Variants in RAD51B observed in about 807,000 individuals in gnomAD.
RAD51B encodes the protein DNA repair protein RAD51 homolog 2.
RAD51B carries 38 observed loss-of-function variants against 42.2 expected under a neutral mutation model. The ratio of observed to expected loss-of-function variants is 0.90; its 90% CI spans 0.70 to 1.18. The LOEUF (loss-of-function observed/expected upper bound fraction) is 1.18, where lower values mean the gene tolerates loss of function less well. Among genes scored for constraint, RAD51B ranks in the 50% most tolerant of loss-of-function variants. The pLI is 0.00. For synonymous variants in RAD51B, 154 were observed against 145.2 expected (o/e 1.06, Z -0.43); for missense variants, 373 against 400.7 (o/e 0.93, Z 0.59).
intron 10 of RAD51B, among the ~76,000 whole-genome samples, chr14:68,548,387 C>G (rs878966455): frequency 6.6e-6 from 1 of 152,168 alleles, no homozygotes; most frequent in East Asian, 1.9e-4. Context: ...TGCTATTCAT[C>G]TTGTTTAGTG....
chr14:67,997,873 A>G (rs1363953566), intron 7 of RAD51B, among the ~76,000 whole-genome samples: 4 of 152,184 alleles, frequency 2.6e-5, no homozygotes, highest in African/African-American at 9.6e-5. Context: ...CAAATCTGCT[A>G]TTAATCCCAT....
At position 68,345,552 on chromosome 14, in the gene RAD51B, A is replaced by G. The variant is rs184835433; in HGVS notation, c.853+53572A>G. On this transcript the variant is annotated intron_variant, in intron 8 of 10. Transcript: ENST00000471583. Reference sequence around the variant, plus strand: ...CTTCCCTTCACCTGCCACCATGACTATAAGCTTCCTGAGGCCTTACCAGAA... The same window carrying G: ...CTTCCCTTCACCTGCCACCATGACTGTAAGCTTCCTGAGGCCTTACCAGAA... Among the ~76,000 whole-genome samples, 3 of 152,086 alleles carry G rather than the reference A, an allele frequency of 2.0e-5. No individual in the cohort carries two copies. In the South Asian group the frequency reaches 6.2e-4, roughly 32 times the overall value.
chr14:68,471,401 T>G (rs781193023), intron 10 of RAD51B, among the ~76,000 whole-genome samples: 9 of 151,896 alleles, frequency 5.9e-5, no homozygotes, highest in Non-Finnish European at 1.0e-4. Flanking sequence ...AACTCCTGAG[T>G]GCTCAAGCAG....
intron 10 of RAD51B, among the ~76,000 whole-genome samples, chr14:68,527,504 C>T (rs181535241): frequency 1.7e-3 from 260 of 152,346 alleles, no homozygotes; most frequent in Non-Finnish European, 3.2e-3. Context: ...TCAGGGGCAC[C>T]CCTGGGTCTC....
intron 9 of RAD51B, among the ~76,000 whole-genome samples, chr14:68,412,852 G>C (rs751286658): frequency 6.6e-6 from 1 of 152,210 alleles, no homozygotes; most frequent in Non-Finnish European, 1.5e-5. Flanking sequence ...TTAAATAGCT[G>C]TGTTGCAGCT....
At chr14:68,254,944 G>A (rs1484589515) in intron 7 of RAD51B, among the ~76,000 whole-genome samples, 2 of 152,130 alleles carry the variant, frequency 1.3e-5, no homozygotes, top group African/African-American at 2.4e-5. Context: ...CTAGTGCTTT[G>A]ATTCTTTCAC....
chr14:68,228,413 T>C (rs867597989), intron 7 of RAD51B, among the ~76,000 whole-genome samples: 6 of 152,362 alleles, frequency 3.9e-5, no homozygotes, highest in African/African-American at 1.2e-4. Context: ...ATAATTCATG[T>C]ACTGCTTAAT....
intron 7 of RAD51B, among the ~76,000 whole-genome samples, chr14:68,111,537 C>T (rs906865530): frequency 3.9e-5 from 6 of 152,084 alleles, no homozygotes; most frequent in Non-Finnish European, 7.4e-5. Context: ...TCAAGGCTTT[C>T]TTTCACATAT....
intron 8 of RAD51B, among the ~76,000 whole-genome samples, chr14:68,386,585 C>T (rs2083599240): frequency 6.6e-6 from 1 of 152,154 alleles, no homozygotes; most frequent in Non-Finnish European, 1.5e-5. Context: ...AGAGTTTGTT[C>T]TCTGGTTCTT....
intron 10 of RAD51B, among the ~76,000 whole-genome samples, chr14:68,523,414 G>A (rs1886716063): frequency 6.6e-6 from 1 of 152,208 alleles, no homozygotes; most frequent in South Asian, 2.1e-4. Flanking sequence ...TGTCTGGGGT[G>A]GCCTTTTGGA....
chr14:68,601,922 C>A (rs1356638211), intron 10 of RAD51B, among the ~76,000 whole-genome samples: 3 of 152,164 alleles, frequency 2.0e-5, no homozygotes, highest in Non-Finnish European at 4.4e-5. Context: ...CAATTCCCAT[C>A]ATTACTGCCC....
chr14:68,626,935 A>C (rs557383728), intron 10 of RAD51B, among the ~76,000 whole-genome samples: 1 of 152,318 alleles, frequency 6.6e-6, no homozygotes, highest in African/African-American at 2.4e-5. Context: ...CCGAGACAGA[A>C]AATGAACTCT....
chr14:68,497,135 TC>T, intron 10 of RAD51B: 1 of 1,396,632 alleles, frequency 7.2e-7, no homozygotes, highest in Non-Finnish European at 9.6e-7. Flanking sequence ...CTATGGAAAT[TC>T]CTAGAGACAG....
chr14:68,191,540 G>A (rs2079267303), intron 7 of RAD51B, among the ~76,000 whole-genome samples: 1 of 152,208 alleles, frequency 6.6e-6, no homozygotes, highest in Non-Finnish European at 1.5e-5. Flanking sequence ...ACCCATCTGA[G>A]ACTTGGGGAA....
intron 10 of RAD51B, among the ~76,000 whole-genome samples, chr14:68,551,712 T>A (rs1177484760): frequency 6.6e-6 from 1 of 152,216 alleles, no homozygotes; most frequent in East Asian, 1.9e-4. Flanking sequence ...TATTTTAGAC[T>A]GTGATATCCT....
chr14:67,868,532 C>T (rs1415159346), intron 5 of RAD51B, among the ~76,000 whole-genome samples: 1 of 152,376 alleles, frequency 6.6e-6, no homozygotes, highest in Non-Finnish European at 1.5e-5. Flanking sequence ...ATTGCCCAGG[C>T]TTGCTTAGGT....
chr14:67,907,799 G>A (rs1015175193), intron 7 of RAD51B, among the ~76,000 whole-genome samples: 1 of 151,366 alleles, frequency 6.6e-6, no homozygotes, highest in African/African-American at 2.5e-5. Flanking sequence ...AATATATTGA[G>A]GTGGTCATCT....
intron 7 of RAD51B, among the ~76,000 whole-genome samples, chr14:68,227,212 GGCAC>G (rs2080056543): frequency 6.6e-6 from 1 of 152,132 alleles, no homozygotes; most frequent in Non-Finnish European, 1.5e-5. Flanking sequence ...AAGGCAGTAG[GGCAC>G]TCTTGCCTTT....
At chr14:68,053,830 C>T (rs1170728373) in intron 7 of RAD51B, among the ~76,000 whole-genome samples, 1 of 152,228 alleles carries the variant, frequency 6.6e-6, no homozygotes, top group Non-Finnish European at 1.5e-5. Context: ...TAAGAGTTCA[C>T]TGTATCTCAC....
Sources: gnomAD v4.1 joint callset for allele counts (sites outside exome capture counted in the v4.1 genomes callset) on GRCh38, gnomAD v4.1.1 for gene constraint, MANE v1.5 for transcripts, NCBI Gene and HGNC (gene_info 2026-07-23, HGNC 2026-07-21) for gene names.